The following ROBO1 variants were observed in gnomAD, a reference collection of about 807,000 sequenced individuals.
ROBO1 encodes roundabout homolog 1.
In ROBO1, 149 loss-of-function variants were observed where a neutral mutation model predicts 195.9. The ratio of observed to expected loss-of-function variants is 0.76; its 90% CI spans 0.67 to 0.87. ROBO1 has a LOEUF of 0.87. ROBO1 is among the 40% of genes least tolerant of loss of function. ROBO1 has a pLI of 0.00. For missense variants in ROBO1, 1,933 were observed against 2,068.3 expected (o/e 0.93, Z 1.27); for synonymous variants, 816 against 733.2 (o/e 1.11, Z -1.82).
At chr3:78,850,141 A>G (rs1347320730) in intron 4 of ROBO1, among the ~76,000 whole-genome samples, 1 of 152,166 alleles carries the variant, frequency 6.6e-6, no homozygotes, top group East Asian at 1.9e-4. Flanking sequence ...AGCACATTCT[A>G]GAATATTCAG....
intron 3 of ROBO1, among the ~76,000 whole-genome samples, chr3:78,955,527 T>C (rs1351287333): frequency 6.6e-6 from 1 of 152,106 alleles, no homozygotes; most frequent in African/African-American, 2.4e-5. Flanking sequence ...ATAATTAAAG[T>C]AATATTTATG....
At chr3:78,863,970 T>C (rs566804362) in intron 4 of ROBO1, among the ~76,000 whole-genome samples, 1 of 152,364 alleles carries the variant, frequency 6.6e-6, no homozygotes, top group African/African-American at 2.4e-5. Flanking sequence ...TACAGCAACC[T>C]GTTGCCTGTA....
intron 2 of ROBO1, among the ~76,000 whole-genome samples, chr3:79,212,548 G>A (rs1034237090): frequency 3.3e-5 from 5 of 152,080 alleles, no homozygotes; most frequent in Non-Finnish European, 1.5e-5. Flanking sequence ...TAGGCTGGGC[G>A]TGGTGGCTAC....
At chr3:78,718,200 A>G (rs1398013493) in intron 5 of ROBO1, among the ~76,000 whole-genome samples, 1 of 152,208 alleles carries the variant, frequency 6.6e-6, no homozygotes, top group Non-Finnish European at 1.5e-5. Context: ...ACCATAAAAA[A>G]TTGCGTGAAT....
intron 10 of ROBO1, 82 bp from the exon 11 acceptor site, chr3:78,670,383 G>A: frequency 8.5e-7 from 1 of 1,175,240 alleles, no homozygotes; most frequent in Non-Finnish European, 1.2e-6. Context: ...GTTGTTCTAG[G>A]CTTTGAAACA....
intron 2 of ROBO1, among the ~76,000 whole-genome samples, chr3:79,489,098 A>C (rs1939311099): frequency 6.7e-6 from 1 of 150,110 alleles, no homozygotes. Flanking sequence ...GAAAATATAC[A>C]TATATAAGTA....
At chr3:78,925,907 G>A (rs374330355) in intron 4 of ROBO1, among the ~76,000 whole-genome samples, 5 of 151,772 alleles carry the variant, frequency 3.3e-5, no homozygotes, top group African/African-American at 1.2e-4. Flanking sequence ...GTATCGCTCT[G>A]TTGCCCAGGC....
At chr3:78,959,864 C>T (rs1447084694) in intron 3 of ROBO1, among the ~76,000 whole-genome samples, 1 of 152,074 alleles carries the variant, frequency 6.6e-6, no homozygotes. Context: ...TTATTTTCAC[C>T]TGATTCACAA....
chr3:78,729,695 C>G (rs1288867272), intron 5 of ROBO1, among the ~76,000 whole-genome samples: 1 of 152,120 alleles, frequency 6.6e-6, no homozygotes, highest in Non-Finnish European at 1.5e-5. Flanking sequence ...AGACTAGAAC[C>G]CCAAAGTGAA....
At chr3:79,731,444 A>T (rs994618315) in intron 1 of ROBO1, among the ~76,000 whole-genome samples, 3 of 152,092 alleles carry the variant, frequency 2.0e-5, no homozygotes, top group Non-Finnish European at 2.9e-5. Flanking sequence ...AAATTTTAAA[A>T]AGCCTAACTA....
chr3:79,435,493 T>C (rs1316668114), intron 2 of ROBO1, among the ~76,000 whole-genome samples: 1 of 152,194 alleles, frequency 6.6e-6, no homozygotes, highest in Non-Finnish European at 1.5e-5. Flanking sequence ...GGCAGTCATA[T>C]TATTTTTTAG....
At chr3:78,634,104 C>T in intron 23 of ROBO1, 62 bp from the exon 24 acceptor site, 2 of 1,063,596 alleles carry the variant, frequency 1.9e-6, no homozygotes, top group African/African-American at 1.6e-5. Context: ...GATTTCACAT[C>T]TCTGCTTTCT....
intron 3 of ROBO1, among the ~76,000 whole-genome samples, chr3:78,982,210 C>T (rs1478230909): frequency 1.3e-5 from 2 of 152,126 alleles, no homozygotes; most frequent in African/African-American, 2.4e-5. Context: ...TACTACCCCT[C>T]GGAATTACCT....
intron 4 of ROBO1, among the ~76,000 whole-genome samples, chr3:78,844,528 T>C (rs558355522): frequency 1.3e-5 from 2 of 152,164 alleles, no homozygotes; most frequent in African/African-American, 4.8e-5. Context: ...GGTAAATCAA[T>C]ACTAGGCTTT....
At chr3:78,685,698 T>C in intron 10 of ROBO1, 48 bp downstream of exon 10, 1 of 1,408,888 alleles carries the variant, frequency 7.1e-7, no homozygotes, top group Non-Finnish European at 9.7e-7. Context: ...CCTCTCTGGA[T>C]CCTAAGTCAA....
At chr3:78,957,201 C>T (rs1041908257) in intron 3 of ROBO1, among the ~76,000 whole-genome samples, 2 of 151,562 alleles carry the variant, frequency 1.3e-5, no homozygotes, top group Admixed American at 1.3e-4. Context: ...TAAAATTGAA[C>T]CTTTGTTAAC....
intron 2 of ROBO1, among the ~76,000 whole-genome samples, chr3:79,435,951 T>C (rs2038870747): frequency 1.3e-5 from 2 of 152,174 alleles, no homozygotes; most frequent in South Asian, 4.1e-4. Flanking sequence ...TCCTAAAATT[T>C]GAAGCCTAAG....
intron 5 of ROBO1, among the ~76,000 whole-genome samples, chr3:78,727,158 A>G (rs1206011768): frequency 6.6e-6 from 1 of 152,168 alleles, no homozygotes; most frequent in Non-Finnish European, 1.5e-5. Context: ...AATGACAGAC[A>G]AAGAATTGGA....
intron 4 of ROBO1, among the ~76,000 whole-genome samples, chr3:78,761,693 T>G (rs2083109479): frequency 6.6e-6 from 1 of 152,212 alleles, no homozygotes. Context: ...AATGATCATT[T>G]TAGCTATCAA....
Sources: gnomAD v4.1 joint callset for allele counts (sites outside exome capture counted in the v4.1 genomes callset) on GRCh38, gnomAD v4.1.1 for gene constraint, MANE v1.5 for transcripts, NCBI Gene and HGNC (gene_info 2026-07-23, HGNC 2026-07-21) for gene names.